The following TRA2A variants were observed in gnomAD, a reference collection of about 807,000 sequenced individuals.
TRA2A encodes transformer-2 protein homolog alpha.
Under a neutral mutation model 45.7 loss-of-function variants are expected in TRA2A, and 31 were observed. That is an observed-to-expected ratio of 0.68 (90% CI 0.51 to 0.92). The LOEUF is 0.92. Among genes scored for constraint, TRA2A ranks in the 40% least tolerant of loss-of-function variants. TRA2A has a pLI of 0.00. For synonymous variants in TRA2A, 132 were observed against 126.2 expected, an observed-to-expected ratio of 1.05 and a Z score of -0.31; for missense variants, 304 against 367.5, an observed-to-expected ratio of 0.83 and a Z score of 1.41.
At chr7:23,513,131 A>G in intron 3 of TRA2A, 49 bp from the exon 4 acceptor site, 2 of 1,357,310 alleles carry the variant, frequency 1.5e-6, no homozygotes, top group South Asian at 2.7e-5. Context: ...ATCAAAATCA[A>G]AGAAACACAG....
At chr7:23,513,876 G>A (rs1194545258) in intron 3 of TRA2A, among the ~76,000 whole-genome samples, 1 of 151,992 alleles carries the variant, frequency 6.6e-6, no homozygotes, top group African/African-American at 2.4e-5. Flanking sequence ...CAAAGGCGGA[G>A]GAGAACAAAG....
chr7:23,520,719 GTCTC>G (rs1245229803), intron 2 of TRA2A, among the ~76,000 whole-genome samples: 10 of 139,688 alleles, frequency 7.2e-5, no homozygotes, highest in African/African-American at 1.6e-4. Flanking sequence ...AAAAGAAAGA[GTCTC>G]TCTGTCACCC....
At chr7:23,522,359 A>G (rs1336024142) in intron 1 of TRA2A, 1 of 1,262,940 alleles carries the variant, frequency 7.9e-7, no homozygotes, top group African/African-American at 1.6e-5. Flanking sequence ...AATACTTTTC[A>G]TTAGCCTTCT....
intron 1 of TRA2A, chr7:23,531,299 C>G: frequency 1.0e-6 from 1 of 974,842 alleles, no homozygotes. Context: ...GAGACACAGG[C>G]CCCAGCTAGT....
At chr7:23,530,098 A>G (rs1373224851) in intron 1 of TRA2A, among the ~76,000 whole-genome samples, 1 of 152,208 alleles carries the variant, frequency 6.6e-6, no homozygotes, top group African/African-American at 2.4e-5. Flanking sequence ...AAGTTAATTG[A>G]AGGAATGTAT....
intron 5 of TRA2A, 163 bp from the exon 6 acceptor site, chr7:23,506,429 T>C (rs1789342639): frequency 3.4e-6 from 3 of 869,590 alleles, no homozygotes; most frequent in Non-Finnish European, 5.0e-6. Context: ...GTATTCTGGT[T>C]TGCCTTATTC....
chr7:23,522,186 T>C (rs1046443949), intron 1 of TRA2A: 2 of 1,142,904 alleles, frequency 1.7e-6, no homozygotes, highest in Non-Finnish European at 1.1e-6. Context: ...TCTTGCTTTC[T>C]ACTTCTCTTC....
intron 1 of TRA2A, among the ~76,000 whole-genome samples, chr7:23,525,106 T>C (rs1293188450): frequency 6.6e-6 from 1 of 152,202 alleles, no homozygotes; most frequent in East Asian, 1.9e-4. Flanking sequence ...TAAAGTAACA[T>C]TTCTCAAAAG....
intron 1 of TRA2A, among the ~76,000 whole-genome samples, chr7:23,529,681 G>C (rs1464569167): frequency 6.6e-6 from 1 of 151,976 alleles, no homozygotes; most frequent in South Asian, 2.1e-4. Flanking sequence ...AAAATAAAAA[G>C]ATACAACAGG....
chr7:23,529,824 T>C (rs1790496412), intron 1 of TRA2A, among the ~76,000 whole-genome samples: 1 of 150,888 alleles, frequency 6.6e-6, no homozygotes, highest in Admixed American at 6.7e-5. Context: ...AATGCCTACA[T>C]ATACTTTAGC....
In TRA2A at chr7:23,516,499, C is replaced by A. The variant is rs772955806; in HGVS notation, c.200G>T (p.Arg67Leu). 2 of 1,614,168 alleles carry A rather than the reference C, an allele frequency of 1.2e-6. No individual in the cohort carries two copies. Among genetic ancestry groups the A allele is most frequent in the African/African-American group, 1.3e-5 (1 of 75,064 alleles). ...RSRSRRHSHR[R>L]YTRSRSHSHS... is the part of the protein sequence containing the mutation. ...AGAGTGGGATCTGGATCGAGTGTAA[C>A]GTCTATGAGAATGTCTCCTTGACCT... The change falls in exon 3 of 8, where the codon CGT (arginine) becomes CTT (leucine). Residue 67 changes from arginine to leucine, a missense_variant. Around this residue, in one of 3 missense-constraint regions of TRA2A, gnomAD observed 132 missense variants for 113.4 expected, o/e 1.16. Transcript: ENST00000297071.
rs372367515 is a variant in TRA2A at position 23,529,550 on chromosome 7, T to C, written c.36+2239A>G. On this transcript the variant is annotated intron_variant, in intron 1 of 7. Coordinates refer to ENST00000297071, the MANE Select transcript of TRA2A (RefSeq NM_013293.5). Reference sequence around the variant, plus strand: ...TTGTTGGATTACAGGCGTGAGCCACTGCGCCCGGCCAGAAACGATTTTAAA... The same window carrying C: ...TTGTTGGATTACAGGCGTGAGCCACCGCGCCCGGCCAGAAACGATTTTAAA... Among the ~76,000 whole-genome samples the C allele has an allele frequency of 3.0e-4, 45 of 152,332 alleles. 1 individual carries two copies. In the South Asian group the frequency reaches 8.7e-3, roughly 29 times the overall value.
chr7:23,512,987 T>A lies in TRA2A; in HGVS notation c.432A>T (p.Pro144=). Residue 144 remains proline, a synonymous_variant, in exon 4 of 8, where the codon CCA becomes CCT. Transcript: ENST00000297071. ...DLREVFSRYG[P]LSGVNVVYDQ... Reference sequence around the variant, plus strand: ...CATAAACCACATTGACACCACTCAATGGTCCATATCGAGAAAATACTTCAC... The same window carrying A: ...CATAAACCACATTGACACCACTCAAAGGTCCATATCGAGAAAATACTTCAC... 3 of 1,614,110 alleles carry A rather than the reference T, an allele frequency of 1.9e-6. No individual in the cohort carries two copies. Among genetic ancestry groups the A allele is most frequent in the Non-Finnish European group, 1.7e-6 (2 of 1,180,008 alleles).
chr7:23,509,203 C>T (rs948383733), intron 4 of TRA2A, among the ~76,000 whole-genome samples: 2 of 152,138 alleles, frequency 1.3e-5, no homozygotes, highest in African/African-American at 2.4e-5. Context: ...AAATTTAACA[C>T]ATCTTCCATT....
intron 6 of TRA2A, 34 bp downstream of exon 6, chr7:23,506,104 A>G (rs766584656): frequency 1.3e-6 from 2 of 1,566,172 alleles, no homozygotes; most frequent in Non-Finnish European, 1.7e-6. Context: ...ACTATCATCT[A>G]ATTTAGAACA....
At chr7:23,531,470 G>C in intron 1 of TRA2A, 1 of 387,140 alleles carries the variant, frequency 2.6e-6, no homozygotes. Flanking sequence ...CAACCGCGAC[G>C]GGGACCCACA....
intron 4 of TRA2A, among the ~76,000 whole-genome samples, chr7:23,508,614 C>A (rs1308121000): frequency 6.6e-6 from 1 of 152,196 alleles, no homozygotes; most frequent in Non-Finnish European, 1.5e-5. Flanking sequence ...CCTGCCTCAG[C>A]CTCCCAAGTA....
At chr7:23,508,149 C>T (rs1047265016) in intron 4 of TRA2A, among the ~76,000 whole-genome samples, 1 of 151,950 alleles carries the variant, frequency 6.6e-6, no homozygotes, top group African/African-American at 2.4e-5. Flanking sequence ...ACAAATTTAT[C>T]GTAATGCCTT....
chr7:23,515,223 CTTT>C lies in TRA2A; in HGVS notation c.336+1137_336+1139del, dbSNP rs767953060. ...TCACTTGAATTCGTGGAACATATTT[CTTT>C]TTTTTTTTTTTTTTTTTTTTTGAGA... On this transcript the variant is annotated intron_variant, in intron 3 of 7. Transcript: ENST00000297071. 6.0e-3 allele frequency among the ~76,000 whole-genome samples: 578 copies of C among 96,676 alleles called. 1 individual carries two copies. Among genetic ancestry groups the C allele is most frequent in the African/African-American group, 0.023 (561 of 24,436 alleles). The allele number at this position is 96,676 out of a possible 152,430, so 63.4% of individuals were successfully genotyped here.
Sources: gnomAD v4.1 joint callset for allele counts (sites outside exome capture counted in the v4.1 genomes callset) on GRCh38, gnomAD v4.1.1 for gene constraint, gnomAD v4.1.1 regional missense constraint, MANE v1.5 for transcripts, NCBI Gene and HGNC (gene_info 2026-07-23, HGNC 2026-07-21) for gene names.